The following SAMMSON variants were observed in gnomAD, a reference collection of about 807,000 sequenced individuals.
SAMMSON encodes the protein survival associated mitochondrial melanoma specific oncogenic non-coding RNA.
intron 4 of SAMMSON, among the ~76,000 whole-genome samples, chr3:70,239,443 A>T (rs1484699017): frequency 1.3e-5 from 2 of 152,172 alleles, no homozygotes; most frequent in Non-Finnish European, 2.9e-5. Context: ...CCCAAAGAGA[A>T]CATTTCCAAC....
intron 7 of SAMMSON, among the ~76,000 whole-genome samples, chr3:70,349,737 G>T (rs1410644195): frequency 6.6e-6 from 1 of 152,218 alleles, no homozygotes; most frequent in East Asian, 1.9e-4. Flanking sequence ...TCTTCCCCCT[G>T]GCAGGGGTAG....
At chr3:70,250,738 G>A (rs563144067) in intron 6 of SAMMSON, among the ~76,000 whole-genome samples, 4 of 152,208 alleles carry the variant, frequency 2.6e-5, no homozygotes, top group African/African-American at 7.2e-5. Context: ...TGTCCTGGAA[G>A]CATCTTGCAA....
chr3:70,005,076 A>G (rs1350395339), intron 1 of SAMMSON, among the ~76,000 whole-genome samples: 1 of 152,138 alleles, frequency 6.6e-6, no homozygotes, highest in African/African-American at 2.4e-5. Context: ...CTTTGCTACA[A>G]TGTTTCAGTA....
At chr3:70,313,504 A>T (rs1460347771) in intron 7 of SAMMSON, among the ~76,000 whole-genome samples, 3 of 152,050 alleles carry the variant, frequency 2.0e-5, no homozygotes, top group Non-Finnish European at 4.4e-5. Context: ...AGGAAAAGAA[A>T]AAAGGATAAT....
chr3:70,165,652 C>T (rs760254682), intron 4 of SAMMSON, among the ~76,000 whole-genome samples: 14 of 152,040 alleles, frequency 9.2e-5, no homozygotes, highest in East Asian at 1.9e-4. Context: ...AGAAATGCTA[C>T]GAAAAGCTCA....
chr3:70,095,127 G>T (rs901102275), intron 4 of SAMMSON, among the ~76,000 whole-genome samples: 4 of 152,296 alleles, frequency 2.6e-5, no homozygotes, highest in African/African-American at 7.2e-5. Context: ...TTAGAGCAAA[G>T]AATGGAGGTC....
At chr3:70,419,115 C>T (rs1310676956) in intron 2 of SAMMSON, among the ~76,000 whole-genome samples, 2 of 152,008 alleles carry the variant, frequency 1.3e-5, no homozygotes, top group Non-Finnish European at 2.9e-5. Context: ...ATCTCTGCCT[C>T]CTAGTGTTAA....
chr3:70,156,802 T>C (rs890689690), intron 4 of SAMMSON, among the ~76,000 whole-genome samples: 1 of 152,088 alleles, frequency 6.6e-6, no homozygotes, highest in Non-Finnish European at 1.5e-5. Flanking sequence ...AGCATCCTTC[T>C]ACTTTAAGAA....
At chr3:70,201,928 T>C (rs536265880) in intron 4 of SAMMSON, among the ~76,000 whole-genome samples, 4 of 152,320 alleles carry the variant, frequency 2.6e-5, no homozygotes, top group Admixed American at 6.5e-5. Flanking sequence ...TTCAGGGTGC[T>C]TCTCCTCCTG....
chr3:70,434,345 A>T (rs982893398), intron 2 of SAMMSON, among the ~76,000 whole-genome samples: 1 of 152,152 alleles, frequency 6.6e-6, no homozygotes, highest in African/African-American at 2.4e-5. Flanking sequence ...TCTTAAATAT[A>T]CTTGTTAGAT....
At position 70,307,407 on chromosome 3, in the gene SAMMSON, C is replaced by T. The variant is rs367614649; in HGVS notation, n.739+16164C>T. On this transcript the variant is annotated intron_variant and non_coding_transcript_variant, in intron 7 of 9. Transcript: ENST00000642114. ...TCCCTTCATCTTGATGTTTCTCTTC[C>T]GTATCAAATGGTGTAAGCTACAGGC... 1.8e-4 allele frequency among the ~76,000 whole-genome samples: 27 copies of T among 152,182 alleles called. No individual in the cohort carries two copies. In the East Asian group the frequency reaches 4.5e-3, roughly 25 times the overall value.
At chr3:70,119,168 G>A (rs1481007311) in intron 4 of SAMMSON, among the ~76,000 whole-genome samples, 1 of 152,150 alleles carries the variant, frequency 6.6e-6, no homozygotes, top group Non-Finnish European at 1.5e-5. Context: ...TTGGGTTCAA[G>A]CAATTCTCCT....
chr3:70,054,302 C>G (rs1388041117), intron 3 of SAMMSON, among the ~76,000 whole-genome samples: 7 of 152,082 alleles, frequency 4.6e-5, no homozygotes, highest in Non-Finnish European at 1.0e-4. Flanking sequence ...TAGTGTTGAA[C>G]TTGGCATAAC....
At chr3:70,209,474 A>C (rs900264547) in intron 4 of SAMMSON, among the ~76,000 whole-genome samples, 22 of 152,034 alleles carry the variant, frequency 1.4e-4, no homozygotes, top group African/African-American at 4.8e-4. Context: ...CAAAGAGTCT[A>C]GGAGGTAGAT....
intron 4 of SAMMSON, among the ~76,000 whole-genome samples, chr3:70,192,688 A>G: frequency 6.6e-6 from 1 of 152,202 alleles, no homozygotes; most frequent in South Asian, 2.1e-4. Context: ...AATAAGGAGC[A>G]TCCAGCTACA....
intron 3 of SAMMSON, among the ~76,000 whole-genome samples, chr3:70,026,711 A>G (rs773060392): frequency 7.6e-4 from 116 of 152,198 alleles, no homozygotes; most frequent in Non-Finnish European, 5.1e-4. Flanking sequence ...TCACGCAGTA[A>G]AAGGAGCAAG....
intron 6 of SAMMSON, among the ~76,000 whole-genome samples, chr3:70,263,130 C>A (rs974608331): frequency 6.6e-6 from 1 of 151,920 alleles, no homozygotes; most frequent in African/African-American, 2.4e-5. Flanking sequence ...GTTTTGATAC[C>A]CTGACTATAA....
chr3:70,411,888 C>T (rs1701222408), intron 2 of SAMMSON, among the ~76,000 whole-genome samples: 1 of 152,120 alleles, frequency 6.6e-6, no homozygotes. Context: ...TGAAAATGGG[C>T]TCATACACAC....
chr3:70,261,628 A>G (rs1242695494), intron 6 of SAMMSON, among the ~76,000 whole-genome samples: 1 of 152,158 alleles, frequency 6.6e-6, no homozygotes. Context: ...TTCACTTTCA[A>G]CAATTTCTAC....
Sources: allele counts gnomAD v4.1 joint callset (sites outside exome capture counted in the v4.1 genomes callset), GRCh38; gene constraint gnomAD v4.1.1; transcripts MANE v1.5; gene names NCBI Gene and HGNC (gene_info 2026-07-23, HGNC 2026-07-21).